The following CCDC120 variants were observed in gnomAD, a reference collection of about 807,000 sequenced individuals.
The protein encoded by CCDC120 is coiled-coil domain containing 120.
Under a neutral mutation model 37.6 loss-of-function variants are expected in CCDC120, and 16 were observed. That is an observed-to-expected ratio of 0.43 (90% CI 0.29 to 0.65). The LOEUF (loss-of-function observed/expected upper bound fraction) is 0.65, where lower values mean the gene tolerates loss of function less well. Among genes scored for constraint, CCDC120 ranks in the 30% least tolerant of loss-of-function variants. The pLI, the probability that CCDC120 is intolerant of heterozygous loss-of-function variation, is 0.18. For missense variants in CCDC120, 650 were observed against 657.4 expected (o/e 0.99, Z 0.12); for synonymous variants, 309 against 275.4 (o/e 1.12, Z -1.21).
intron 3 of CCDC120, 63 bp from the exon 4 acceptor site, chrX:49,062,405 T>A: frequency 2.5e-6 from 3 of 1,210,473 alleles, no homozygotes; most frequent in Non-Finnish European, 3.4e-6. Context: ...GTTGGTCCCT[T>A]GCCCCACAGC....
At chrX:49,064,023 G>A (rs1557080252) in intron 5 of CCDC120, 22 bp downstream of exon 5, 1 of 1,176,789 alleles carries the variant, frequency 8.5e-7, no homozygotes, top group Admixed American at 2.4e-5. Flanking sequence ...GGTGTGGAGA[G>A]CAAGAGGGTG....
At position 49,067,764 on chromosome X, in the gene CCDC120, C is replaced by A; in HGVS notation, c.1650C>A (p.Pro550=). 1 of 1,197,652 alleles carries A rather than the reference C, an allele frequency of 8.3e-7. No homozygotes were observed. Among genetic ancestry groups the A allele is most frequent in the South Asian group, 1.8e-5 (1 of 55,503 alleles). Reference sequence around the variant, plus strand: ...ACACCCGTGCCACCCGCACTAAGCCCTGTGGCCTGCCCCCAGAGGCTGCCG... The same window carrying A: ...ACACCCGTGCCACCCGCACTAAGCCATGTGGCCTGCCCCCAGAGGCTGCCG... ...DPHTRATRTK[P]CGLPPEAAEG... is the part of the protein sequence containing the mutation. Residue 550 remains proline (P), a synonymous_variant, in exon 10 of 11, where the codon CCC becomes CCA. Coordinates refer to ENST00000603986, the MANE Select transcript of CCDC120 (RefSeq NM_001163321.4).
rs377375139 is a variant in CCDC120 at position 49,062,530 on chromosome X, C to T, written c.217C>T (p.Arg73Trp). ...AGAGCGTCTGCGGGGGCTGCTTGAC[C>T]GGCAGCGGACCCTGCAGGAGGCCCT... ...KSERLRGLLDRQRTLQEALSL... is the reference protein window; with the variant it reads ...KSERLRGLLDWQRTLQEALSL... The change falls in exon 4 of 11, where the codon CGG becomes TGG. Residue 73 changes from arginine (R) to tryptophan (W), a missense_variant. Physicochemically the swap from Arg to Trp is moderately radical, Grantham distance 101. Transcript: ENST00000603986. 1.7e-5 allele frequency: 20 copies of T among 1,209,875 alleles called. No individual in the cohort carries two copies. Among genetic ancestry groups the T allele is most frequent in the East Asian group, 3.0e-5 (1 of 33,755 alleles).
chrX:49,067,748 C>A lies in CCDC120; in HGVS notation c.1634C>A (p.Ala545Asp). The change falls in exon 10 of 11, where the codon GCC (alanine) becomes GAC (aspartate). Residue 545 changes from alanine (A) to aspartate (D), a missense_variant. Ala to Asp is a moderately radical substitution (Grantham distance 126). This residue lies in a region of CCDC120 where 576 missense variants were observed against 565.3 expected (regional missense o/e 1.02). Coordinates refer to ENST00000603986, the MANE Select transcript of CCDC120 (RefSeq NM_001163321.4). ...LLRTKDPHTR[A>D]TRTKPCGLPP... The stretch of plus-strand genomic sequence containing the variant: ...CGCACCAAGGACCCCCACACCCGTG[C>A]CACCCGCACTAAGCCCTGTGGCCTG... 8.4e-7 allele frequency: 1 copy of A among 1,195,548 alleles called. No homozygotes were observed. Among genetic ancestry groups the A allele is most frequent in the Non-Finnish European group, 1.1e-6 (1 of 884,176 alleles).
At chrX:49,056,332 C>CA (rs1439977642), upstream of CCDC120, among the ~76,000 whole-genome samples, 2 of 110,346 alleles carry the variant, frequency 1.8e-5, no homozygotes, top group African/African-American at 6.6e-5. Context: ...AGTTCTGTCT[C>CA]AAAAATGCAT....
upstream of CCDC120, among the ~76,000 whole-genome samples, chrX:49,058,289 G>A (rs2064845402): frequency 8.9e-6 from 1 of 112,172 alleles, no homozygotes; most frequent in Admixed American, 9.4e-5. Flanking sequence ...ATTTCTTCTG[G>A]AGCCACAGAA....
At chrX:49,057,564 C>T (rs2064839623), upstream of CCDC120, among the ~76,000 whole-genome samples, 2 of 112,508 alleles carry the variant, frequency 1.8e-5, no homozygotes, top group African/African-American at 6.5e-5. Context: ...GTGGGGAGGG[C>T]GATGAAAGGG....
chrX:49,057,846 T>A (rs782101531), upstream of CCDC120, among the ~76,000 whole-genome samples: 1 of 110,322 alleles, frequency 9.1e-6, no homozygotes, highest in Admixed American at 9.6e-5. Context: ...GCTCAGGTGG[T>A]AGTGGTGATG....
In CCDC120 at chrX:49,067,541, G is replaced by A; in HGVS notation, c.1427G>A (p.Gly476Glu). The A allele has an allele frequency of 8.6e-7, 1 of 1,168,317 alleles. No homozygotes were observed. Among genetic ancestry groups the A allele is most frequent in the Non-Finnish European group, 1.1e-6 (1 of 871,750 alleles). ...RGAPRLPPVC[G>E]DFLLDYSLDR... ...GCCCCCCGGCTCCCACCTGTGTGTG[G>A]AGACTTCCTCTTGGACTATTCCTTG... Residue 476 changes from glycine to glutamate, a missense_variant, in exon 10 of 11, where the codon GGA becomes GAA. By Grantham distance (98) the Gly-to-Glu change is moderately conservative. This residue lies in a region of CCDC120 where 576 missense variants were observed against 565.3 expected (regional missense o/e 1.02). Coordinates refer to ENST00000603986, the MANE Select transcript of CCDC120 (RefSeq NM_001163321.4).
intron 1 of CCDC120, 101 bp from the exon 2 acceptor site, chrX:49,061,858 G>A: frequency 1.2e-6 from 1 of 841,947 alleles, no homozygotes. Context: ...TGAAGATTGA[G>A]TGTGGCATCA....
At chrX:49,060,145 C>T (rs939249769) in intron 1 of CCDC120, among the ~76,000 whole-genome samples, 1 of 111,848 alleles carries the variant, frequency 8.9e-6, no homozygotes, top group Non-Finnish European at 1.9e-5. Context: ...AAAGGATTGG[C>T]TGGGTGCAGT....
At chrX:49,056,814 G>T (rs190137273), upstream of CCDC120, among the ~76,000 whole-genome samples, 7 of 111,297 alleles carry the variant, frequency 6.3e-5, no homozygotes, top group East Asian at 1.7e-3. Flanking sequence ...ACTTCCTGTG[G>T]GGAAGAATAC....
Position 49,068,566 on chromosome X carries a change from C to T in CCDC120, c.1999C>T (p.Pro667Ser), listed in dbSNP as rs782710181. 14 of 1,146,603 alleles carry T rather than the reference C, an allele frequency of 1.2e-5. No homozygotes were observed. In the South Asian group the frequency reaches 2.6e-4, roughly 22 times the overall value. The allele number at this position is 1,146,603 out of a possible 1,213,427, so 94.5% of individuals were successfully genotyped here. Residue 667 changes from proline (P) to serine (S), a missense_variant, in exon 11 of 11, where the codon CCC (proline) becomes TCC (serine). This residue lies in a region of CCDC120 where 576 missense variants were observed against 565.3 expected (regional missense o/e 1.02). Coordinates refer to ENST00000603986, the MANE Select transcript of CCDC120 (RefSeq NM_001163321.4). Reference sequence around the variant, plus strand: ...AAGATACTACGCGGACTTCCTGTATCCCCCGGAGCTGAGCGCTCGTTTAAG... The same window carrying T: ...AAGATACTACGCGGACTTCCTGTATTCCCCGGAGCTGAGCGCTCGTTTAAG... ...SGRYYADFLY[P>S]PELSARLSDL...
intron 1 of CCDC120, among the ~76,000 whole-genome samples, chrX:49,059,999 C>A (rs1170605067): frequency 8.9e-6 from 1 of 112,475 alleles, no homozygotes; most frequent in Non-Finnish European, 1.9e-5. Flanking sequence ...GGGGCGTTGA[C>A]TGTGTCTAGC....
At chrX:49,054,057 C>T (rs1291648297), upstream of CCDC120, among the ~76,000 whole-genome samples, 5 of 112,212 alleles carry the variant, frequency 4.5e-5, no homozygotes, top group Non-Finnish European at 9.4e-5. Flanking sequence ...GCCTTGGCCT[C>T]AGGACCTTCC....
upstream of CCDC120, among the ~76,000 whole-genome samples, chrX:49,055,302 A>G (rs1354732644): frequency 1.8e-5 from 2 of 112,120 alleles, no homozygotes; most frequent in Non-Finnish European, 3.8e-5. Context: ...TGGGGGGAAG[A>G]GTTAAGAAAA....
chrX:49,067,263 C>T lies in CCDC120; in HGVS notation c.1149C>T (p.Ala383=). The change falls in exon 10 of 11, where the codon GCC becomes GCT. Residue 383 remains alanine, a synonymous_variant. Transcript: ENST00000603986. ...GGGCGGACCCTGCCTCCGATCGCGCCTCCCTCTTCGTAGCTCGCACCCGCC... is the reference window on the plus strand; with the variant it reads ...GGGCGGACCCTGCCTCCGATCGCGCTTCCCTCTTCGTAGCTCGCACCCGCC... ...FPRADPASDR[A]SLFVARTRRS... The T allele has an allele frequency of 1.7e-6, 2 of 1,211,357 alleles. No individual in the cohort carries two copies. Among genetic ancestry groups the T allele is most frequent in the East Asian group, 5.9e-5 (2 of 33,823 alleles).
At chrX:49,064,265 A>C (rs1173676920) in intron 5 of CCDC120, 105 bp from the exon 6 acceptor site, 3 of 904,873 alleles carry the variant, frequency 3.3e-6, no homozygotes, top group Non-Finnish European at 4.5e-6. Context: ...CCCCGGGGTG[A>C]ATAGGTCTGA....
Position 49,068,036 on chromosome X carries a change from G to A in CCDC120, c.1922G>A (p.Ser641Asn). The A allele has an allele frequency of 8.7e-7, 1 of 1,148,453 alleles. No individual in the cohort carries two copies. The highest frequency in any genetic ancestry group is 1.2e-6 in the Non-Finnish European group (1 of 863,295). 94.6% of individuals were successfully genotyped at this position (1,148,453 alleles called of 1,213,427 possible). A position where few individuals can be genotyped will look rare whatever the true frequency, so the allele number is the denominator to read the frequency against. ...GGCCAGGCGCTGTACGGGGCCCCCAGCCAGGCGCCACTCCCACACTCGAGG... is the reference window on the plus strand; with the variant it reads ...GGCCAGGCGCTGTACGGGGCCCCCAACCAGGCGCCACTCCCACACTCGAGG... ...EVGQALYGAP[S>N]QAPLPHSRSF... is the part of the protein sequence containing the mutation. The change falls in exon 10 of 11, where the codon AGC becomes AAC. Residue 641 changes from serine (S) to asparagine (N), a missense_variant. Transcript: ENST00000603986.
Sources: allele counts gnomAD v4.1 joint callset (sites outside exome capture counted in the v4.1 genomes callset), GRCh38; gene constraint gnomAD v4.1.1; regional missense constraint gnomAD v4.1.1; transcripts MANE v1.5; gene names NCBI Gene and HGNC (gene_info 2026-07-23, HGNC 2026-07-21).